DENND1A: variants seen among roughly 807,000 people sequenced by gnomAD.
DENND1A encodes DENN domain-containing protein 1A.
DENND1A carries 51 observed loss-of-function variants against 113.7 expected under a neutral mutation model. That is an observed-to-expected ratio of 0.45 (90% CI 0.36 to 0.57). DENND1A has a LOEUF of 0.57. Ranked by LOEUF, DENND1A falls within the 20% of genes least tolerant of loss-of-function variation. The pLI is 0.00. For missense variants in DENND1A, 1,258 were observed against 1,395.9 expected, an observed-to-expected ratio of 0.90 and a Z score of 1.57; for synonymous variants, 565 against 570.8, an observed-to-expected ratio of 0.99 and a Z score of 0.14.
At chr9:123,667,927 C>T (rs1052636833) in intron 7 of DENND1A, among the ~76,000 whole-genome samples, 2 of 152,066 alleles carry the variant, frequency 1.3e-5, no homozygotes, top group Non-Finnish European at 1.5e-5. Context: ...GCCCCCGAAG[C>T]CCACTCCACC....
intron 5 of DENND1A, among the ~76,000 whole-genome samples, chr9:123,701,754 C>T (rs1351464035): frequency 1.3e-5 from 2 of 152,216 alleles, no homozygotes; most frequent in Non-Finnish European, 2.9e-5. Context: ...TAAGCTACCA[C>T]AGCTACAGCA....
chr9:123,481,497 G>A (rs1381199540), intron 13 of DENND1A, among the ~76,000 whole-genome samples: 1 of 152,234 alleles, frequency 6.6e-6, no homozygotes, highest in Non-Finnish European at 1.5e-5. Flanking sequence ...TTGCCCAGCA[G>A]CTATCATTAT....
At chr9:123,509,211 G>A (rs1316206318) in intron 13 of DENND1A, among the ~76,000 whole-genome samples, 3 of 152,200 alleles carry the variant, frequency 2.0e-5, no homozygotes, top group Non-Finnish European at 4.4e-5. Context: ...GATACTGAAT[G>A]TACTGTGGAC....
chr9:123,680,716 C>T lies in DENND1A; in HGVS notation c.303-3927G>A, dbSNP rs183737524. ...GATGACTGGCCTTGTGTAAGTTCAG[C>T]GTGAATATAAAGGGATTCCACTTCT... On this transcript the variant is annotated intron_variant, in intron 5 of 23. Transcript: ENST00000394215. 4.6e-3 allele frequency among the ~76,000 whole-genome samples: 697 copies of T among 152,228 alleles called. 3 individuals are homozygous for T. Among genetic ancestry groups the T allele is most frequent in the Non-Finnish European group, 8.1e-3 (548 of 68,022 alleles).
At chr9:123,482,151 G>C (rs551205027) in intron 13 of DENND1A, among the ~76,000 whole-genome samples, 6 of 152,178 alleles carry the variant, frequency 3.9e-5, no homozygotes, top group Non-Finnish European at 8.8e-5. Context: ...AGGCTGGAGC[G>C]CAGTGGCGCG....
At chr9:123,452,942 G>A (rs557467250) in intron 16 of DENND1A, among the ~76,000 whole-genome samples, 42 of 152,232 alleles carry the variant, frequency 2.8e-4, no homozygotes, top group African/African-American at 7.9e-4. Context: ...AGCCACAAAT[G>A]TTCACCATGG....
intron 4 of DENND1A, among the ~76,000 whole-genome samples, chr9:123,758,302 TG>T (rs1352329530): frequency 6.6e-6 from 1 of 152,202 alleles, no homozygotes; most frequent in Non-Finnish European, 1.5e-5. Flanking sequence ...TAAGAGTGCT[TG>T]CCAGAGCAAA....
rs563289874 is a variant in DENND1A, at chr9:123,656,588, CA to C, written c.508-4466del. Among the ~76,000 whole-genome samples the C allele has an allele frequency of 4.6e-5, 7 of 152,254 alleles. No individual in the cohort carries two copies. The South Asian group carries it at 1.5e-3, about 32-fold the overall frequency. On this transcript the variant is annotated intron_variant, in intron 8 of 23. Coordinates refer to ENST00000394215, the MANE Select transcript of DENND1A (RefSeq NM_001352964.2). The stretch of plus-strand genomic sequence containing the variant: ...CCTGGACTTCTAGATTACTATGCAC[CA>C]TACTAGTCTACTTGCCCAAATAGGT...
chr9:123,818,519 T>TACAC lies in DENND1A; in HGVS notation c.89-25893_89-25890dup, dbSNP rs1215014185. Among the ~76,000 whole-genome samples the TACAC allele has an allele frequency of 2.3e-3, 261 of 112,210 alleles. 2 individuals carry two copies. The highest frequency in any genetic ancestry group is 7.8e-3 in the East Asian group (29 of 3,714). 73.6% of individuals were successfully genotyped at this position (112,210 alleles called of 152,430 possible). On this transcript the variant is annotated intron_variant, in intron 2 of 23. Transcript: ENST00000394215. ...ATATTGGCATATATATACATACATA[T>TACAC]ACACACACACACACACACACACACA... is the stretch of plus-strand genomic sequence containing the variant.
At position 123,855,985 on chromosome 9, in the gene DENND1A, C is replaced by T. The variant is rs111379224; in HGVS notation, c.88+22966G>A. Among the ~76,000 whole-genome samples the T allele has an allele frequency of 9.7e-3, 1,474 of 152,102 alleles. 26 individuals are homozygous for T. Among genetic ancestry groups the T allele is most frequent in the African/African-American group, 0.032 (1,338 of 41,484 alleles). On this transcript the variant is annotated intron_variant, in intron 2 of 23. Transcript: ENST00000394215. Reference sequence around the variant, plus strand: ...CCGGGAGGCGGAGGTTGCATTGAGCCGAGATCGCGCCATTGCACTCCAGCC... The same window carrying T: ...CCGGGAGGCGGAGGTTGCATTGAGCTGAGATCGCGCCATTGCACTCCAGCC...
At chr9:123,430,838 T>C (rs2046082084) in intron 19 of DENND1A, among the ~76,000 whole-genome samples, 1 of 152,062 alleles carries the variant, frequency 6.6e-6, no homozygotes, top group Non-Finnish European at 1.5e-5. Flanking sequence ...AAAGTAAATA[T>C]TGAAGAAGAA....
intron 2 of DENND1A, among the ~76,000 whole-genome samples, chr9:123,840,325 C>G (rs929577525): frequency 1.3e-5 from 2 of 150,926 alleles, no homozygotes; most frequent in Non-Finnish European, 3.0e-5. Context: ...GGAAAAAGCT[C>G]TTTGATGTTT....
chr9:123,768,784 T>C (rs2051126), intron 4 of DENND1A, among the ~76,000 whole-genome samples: 21,368 of 147,146 alleles, frequency 0.15, 1,789 homozygotes, highest in African/African-American at 0.24. Context: ...AGTTAATACA[T>C]TAGTTTTATA....
intron 13 of DENND1A, among the ~76,000 whole-genome samples, chr9:123,515,955 C>T (rs1187932283): frequency 2.0e-5 from 3 of 152,000 alleles, no homozygotes; most frequent in Non-Finnish European, 2.9e-5. Context: ...TGGTGCACAC[C>T]TGTTGTCCCA....
chr9:123,610,571 G>T (rs2060371935), intron 10 of DENND1A, among the ~76,000 whole-genome samples: 1 of 152,216 alleles, frequency 6.6e-6, no homozygotes, highest in Non-Finnish European at 1.5e-5. Flanking sequence ...GAGGTCAAGG[G>T]ATAGCGAGGA....
intron 1 of DENND1A, among the ~76,000 whole-genome samples, chr9:123,890,739 C>G (rs146332500): frequency 2.6e-4 from 39 of 152,292 alleles, no homozygotes; most frequent in Non-Finnish European, 1.8e-4. Context: ...CAAGTTCACA[C>G]AGTTTGTAAG....
intron 5 of DENND1A, among the ~76,000 whole-genome samples, chr9:123,750,281 G>A (rs939522566): frequency 6.6e-6 from 1 of 152,152 alleles, no homozygotes; most frequent in Non-Finnish European, 1.5e-5. Flanking sequence ...GCTCCCCAGA[G>A]GATTATATAT....
intron 5 of DENND1A, among the ~76,000 whole-genome samples, chr9:123,689,465 G>A (rs1191709669): frequency 6.6e-6 from 1 of 152,106 alleles, no homozygotes. Flanking sequence ...GTTTTTACCG[G>A]CCTTAAATAT....
In DENND1A at chr9:123,780,144, A is replaced by G. The variant is rs374889397; in HGVS notation, c.133-10581T>C. On this transcript the variant is annotated intron_variant, in intron 3 of 23. Coordinates refer to ENST00000394215, the MANE Select transcript of DENND1A (RefSeq NM_001352964.2). Reference sequence around the variant, plus strand: ...ACTGGGATTACAGGCGTGAGCCACCATGCCCAGTCTTGCACAAGACTTTCT... The same window carrying G: ...ACTGGGATTACAGGCGTGAGCCACCGTGCCCAGTCTTGCACAAGACTTTCT... Among the ~76,000 whole-genome samples the G allele has an allele frequency of 6.1e-4, 93 of 152,222 alleles. 3 individuals carry two copies. In the South Asian group the frequency reaches 0.016, roughly 27 times the overall value.
Sources: gnomAD v4.1 joint callset for allele counts (sites outside exome capture counted in the v4.1 genomes callset) on GRCh38, gnomAD v4.1.1 for gene constraint, MANE v1.5 for transcripts, NCBI Gene and HGNC (gene_info 2026-07-23, HGNC 2026-07-21) for gene names.